The following SLC1A4 variants were observed in gnomAD, a reference collection of about 807,000 sequenced individuals.
SLC1A4 encodes solute carrier family 1 member 4, also known as neutral amino acid transporter A.
Under a neutral mutation model 37.7 loss-of-function variants are expected in SLC1A4, and 19 were observed. That is an observed-to-expected ratio of 0.50 (90% confidence interval 0.35 to 0.74). The LOEUF is 0.74. SLC1A4 is among the 30% of genes least tolerant of loss of function. The probability of loss-of-function intolerance (pLI) is 0.01; values close to 1 mark genes in which losing one functional copy is unlikely to be tolerated. For synonymous variants in SLC1A4, 299 were observed against 309.8 expected, an observed-to-expected ratio of 0.97 and a Z score of 0.37; for missense variants, 570 against 712.9, an observed-to-expected ratio of 0.80 and a Z score of 2.28.
chr2:64,992,232 C>T (rs1168742668), intron 1 of SLC1A4, among the ~76,000 whole-genome samples: 1 of 152,154 alleles, frequency 6.6e-6, no homozygotes, highest in African/African-American at 2.4e-5. Flanking sequence ...CCGGGAGCCT[C>T]AATAGGATCT....
chr2:64,988,934 CCCCTCCCCT>C (rs1000493147), upstream of SLC1A4, among the ~76,000 whole-genome samples: 5 of 151,938 alleles, frequency 3.3e-5, no homozygotes, highest in African/African-American at 1.2e-4. Flanking sequence ...CCTCTCTTCT[CCCCTCCCCT>C]CCCTCCCCTC....
At position 64,989,937 on chromosome 2, in the gene SLC1A4, G is replaced by A; in HGVS notation, c.294G>A (p.Leu98=). 2 of 1,567,532 alleles carry A rather than the reference G, an allele frequency of 1.3e-6. 1 individual carries two copies. Among genetic ancestry groups the A allele is most frequent in the Middle Eastern group, 3.5e-4 (2 of 5,732 alleles). The stretch of plus-strand genomic sequence containing the variant: ...TCCTGCCGCTGGTGGTCTGCAGCCT[G>A]GTGTCGGGCGCCGCCTCGCTCGATG... ...MIILPLVVCS[L]VSGAASLDAS... Residue 98 remains leucine, a synonymous_variant, in exon 1 of 8, where the codon CTG becomes CTA. Coordinates refer to ENST00000234256, the MANE Select transcript of SLC1A4 (RefSeq NM_003038.5).
At chr2:65,001,794 T>TA (rs1038039380) in intron 2 of SLC1A4, among the ~76,000 whole-genome samples, 10 of 152,166 alleles carry the variant, frequency 6.6e-5, no homozygotes, top group African/African-American at 2.2e-4. Context: ...TACACTTTTT[T>TA]AAAAAAATAC....
Position 64,989,781 on chromosome 2 carries a change from G to C in SLC1A4, c.138G>C (p.Leu46=), listed in dbSNP as rs1672971649. The change falls in exon 1 of 8, where the codon CTG becomes CTC. Residue 46 remains leucine (L), a synonymous_variant. Transcript: ENST00000234256. ...TCCTGCGGCGCCAAGCGCTGGTGCT[G>C]CTCACCGTGTCCGGGGTGCTGGCGG... ...AGFLRRQALV[L]LTVSGVLAGA... The C allele has an allele frequency of 6.7e-7, 1 of 1,501,608 alleles. No individual in the cohort carries two copies. The highest frequency in any genetic ancestry group is 1.3e-5 in the South Asian group (1 of 77,194). The allele number at this position is 1,501,608 out of a possible 1,614,324, so 93.0% of individuals were successfully genotyped here.
chr2:64,989,081 C>T (rs1318684759), upstream of SLC1A4, among the ~76,000 whole-genome samples: 2 of 152,126 alleles, frequency 1.3e-5, no homozygotes, highest in Admixed American at 6.5e-5. Context: ...GGTCCTTCAG[C>T]CCGCACTTCC....
intron 3 of SLC1A4, among the ~76,000 whole-genome samples, chr2:65,005,983 A>G (rs1444875249): frequency 1.3e-5 from 2 of 152,240 alleles, no homozygotes; most frequent in African/African-American, 4.8e-5. Context: ...AGCCTGGGCA[A>G]CAGAGCAAAA....
intron 1 of SLC1A4, among the ~76,000 whole-genome samples, chr2:64,997,673 C>T (rs1673307538): frequency 1.3e-5 from 2 of 152,062 alleles, no homozygotes; most frequent in Admixed American, 6.5e-5. Flanking sequence ...AGTGGTATTC[C>T]GTTGTATGGA....
intron 3 of SLC1A4, among the ~76,000 whole-genome samples, chr2:65,007,219 T>A (rs1422246343): frequency 6.6e-6 from 1 of 152,104 alleles, no homozygotes; most frequent in Non-Finnish European, 1.5e-5. Context: ...CAGCCAGTGA[T>A]AGGCACCAAG....
upstream of SLC1A4, among the ~76,000 whole-genome samples, chr2:64,988,874 C>T (rs1314382658): frequency 0.031 from 1 of 32 alleles, no homozygotes; most frequent in Non-Finnish European, 0.071. Flanking sequence ...GGAGCGCGGG[C>T]CGCGCGGGGC....
chr2:64,997,256 T>C (rs1673292501), intron 1 of SLC1A4, among the ~76,000 whole-genome samples: 1 of 152,046 alleles, frequency 6.6e-6, no homozygotes, highest in African/African-American at 2.4e-5. Context: ...TCCCATTGAA[T>C]GTACGTATTT....
At chr2:65,005,124 G>A (rs531021108) in intron 3 of SLC1A4, among the ~76,000 whole-genome samples, 1 of 152,320 alleles carries the variant, frequency 6.6e-6, no homozygotes, top group African/African-American at 2.4e-5. Flanking sequence ...GGGTAAAATG[G>A]AGTTAATCCT....
chr2:65,002,704 A>G (rs1199414336), intron 2 of SLC1A4, among the ~76,000 whole-genome samples: 1 of 150,954 alleles, frequency 6.6e-6, no homozygotes, highest in African/African-American at 2.4e-5. Flanking sequence ...CAGCCTTCCA[A>G]GTAGCTGGGA....
At chr2:65,001,557 G>A (rs978722552) in intron 2 of SLC1A4, 67 bp downstream of exon 2, 1 of 1,451,472 alleles carries the variant, frequency 6.9e-7, no homozygotes, top group African/African-American at 1.4e-5. Flanking sequence ...TACTGCTATA[G>A]AGTTAGGTAA....
rs74786628 is a variant in SLC1A4 at position 65,018,155 on chromosome 2, C to G, written c.1119C>G (p.Ile373Met). 1 of 1,614,164 alleles carries G rather than the reference C, an allele frequency of 6.2e-7. No individual in the cohort carries two copies. The highest frequency in any genetic ancestry group is 1.1e-5 in the South Asian group (1 of 91,072). The change falls in exon 6 of 8, where the codon ATC becomes ATG. Residue 373 changes from isoleucine to methionine, a missense_variant. Physicochemically the swap from Ile to Met is conservative, Grantham distance 10 (BLOSUM62 1). Coordinates refer to ENST00000234256, the MANE Select transcript of SLC1A4 (RefSeq NM_003038.5). This position sits in a 1 kb window ranked among gnomAD's most constrained non-coding sequence, Gnocchi z 4.3. ...DKRISRFILP[I>M]GATVNMDGAA... ...GGATCAGCAGGTTTATTCTCCCCAT[C>G]GGGGCCACCGTGAACATGGACGGAG...
chr2:64,992,103 G>A (rs1673082399), intron 1 of SLC1A4, among the ~76,000 whole-genome samples: 1 of 152,212 alleles, frequency 6.6e-6, no homozygotes, highest in South Asian at 2.1e-4. Flanking sequence ...CCTGTAGGAG[G>A]TCGGTCAGCT....
intron 1 of SLC1A4, among the ~76,000 whole-genome samples, chr2:64,990,494 C>T (rs1352961079): frequency 6.6e-6 from 1 of 152,156 alleles, no homozygotes; most frequent in African/African-American, 2.4e-5. Context: ...TCTCGCGCTG[C>T]TCTCCCCGGT....
In SLC1A4 at chr2:65,023,005, A is replaced by C. The variant is rs978623465; in HGVS notation, c.*1859A>C. On this transcript the variant is annotated 3_prime_UTR_variant, in exon 8 of 8. Coordinates refer to ENST00000234256, the MANE Select transcript of SLC1A4 (RefSeq NM_003038.5). ...ACTGGGGACATGAGCCTGAGCAGAA[A>C]GGGTGAAGAAGAGCCATGGGACACA... The C allele has an allele frequency of 1.3e-5, 2 of 152,326 alleles. No individual in the cohort carries two copies. The highest frequency in any genetic ancestry group is 2.9e-5 in the Non-Finnish European group (2 of 68,122). 9.4% of individuals were successfully genotyped at this position (152,326 alleles called of 1,614,324 possible). A position where few individuals can be genotyped will look rare whatever the true frequency, so the allele number is the denominator to read the frequency against.
At chr2:65,010,506 A>G (rs1673874730) in intron 3 of SLC1A4, 91 bp from the exon 4 acceptor site, 2 of 1,042,096 alleles carry the variant, frequency 1.9e-6, no homozygotes, top group East Asian at 5.3e-5. Flanking sequence ...TTCTGGGTAC[A>G]GTGTTTCAGT....
chr2:65,013,845 C>T (rs930806823), intron 4 of SLC1A4, among the ~76,000 whole-genome samples: 1 of 152,130 alleles, frequency 6.6e-6, no homozygotes, highest in Non-Finnish European at 1.5e-5. Flanking sequence ...TGTATTAAAC[C>T]CAGAGTCAGC....
Sources: allele counts gnomAD v4.1 joint callset (sites outside exome capture counted in the v4.1 genomes callset), GRCh38; gene constraint gnomAD v4.1.1; non-coding constraint Gnocchi (gnomAD v3.1); transcripts MANE v1.5; gene names NCBI Gene and HGNC (gene_info 2026-07-23, HGNC 2026-07-21).